C1orf185: variants seen among roughly 807,000 people sequenced by gnomAD.
C1orf185 encodes the protein chromosome 1 open reading frame 185.
C1orf185 carries 13 observed loss-of-function variants against 16.1 expected under a neutral mutation model. The ratio of observed to expected loss-of-function variants is 0.81; its 90% CI spans 0.53 to 1.28. The LOEUF (loss-of-function observed/expected upper bound fraction) is 1.28. C1orf185 is among the 50% of genes most tolerant of loss of function. C1orf185 has a pLI of 0.00. For synonymous variants in C1orf185, 80 were observed against 76.9 expected, an observed-to-expected ratio of 1.04 and a Z score of -0.21; for missense variants, 220 against 225.2, an observed-to-expected ratio of 0.98 and a Z score of 0.15.
chr1:51,130,676 C>CA (rs1429787675), intron 3 of C1orf185, among the ~76,000 whole-genome samples: 1 of 152,122 alleles, frequency 6.6e-6, no homozygotes, highest in Non-Finnish European at 1.5e-5. Context: ...GCACACTTAT[C>CA]AAAAATCAGT....
At chr1:51,107,498 TTA>T (rs1243498209) in intron 1 of C1orf185, among the ~76,000 whole-genome samples, 2 of 152,256 alleles carry the variant, frequency 1.3e-5, no homozygotes, top group African/African-American at 4.8e-5. Context: ...TAGTATTATT[TTA>T]TGTTTTCTTT....
At chr1:51,128,013 G>A (rs529384091) in intron 3 of C1orf185, among the ~76,000 whole-genome samples, 4 of 150,090 alleles carry the variant, frequency 2.7e-5, no homozygotes, top group South Asian at 2.1e-4. Flanking sequence ...TCAGCCTCCC[G>A]AGTAGTTGGG....
intron 2 of C1orf185, among the ~76,000 whole-genome samples, chr1:51,117,737 A>C (rs908637461): frequency 6.6e-6 from 1 of 152,086 alleles, no homozygotes; most frequent in African/African-American, 2.4e-5. Flanking sequence ...TGTTCTTTAA[A>C]TCCTTAAGTT....
chr1:51,109,524 T>TC (rs1646100183), intron 1 of C1orf185, among the ~76,000 whole-genome samples: 1 of 151,872 alleles, frequency 6.6e-6, no homozygotes, highest in Non-Finnish European at 1.5e-5. Context: ...TATTTTTTTT[T>TC]CTAGTTGTTT....
At chr1:51,119,086 T>C (rs979939008) in intron 3 of C1orf185, among the ~76,000 whole-genome samples, 3 of 152,138 alleles carry the variant, frequency 2.0e-5, no homozygotes, top group African/African-American at 7.2e-5. Context: ...GAAAGCAAAA[T>C]TACCAGGCTT....
intron 1 of C1orf185, among the ~76,000 whole-genome samples, chr1:51,108,838 TC>T (rs1244112554): frequency 6.6e-6 from 1 of 152,228 alleles, no homozygotes; most frequent in Non-Finnish European, 1.5e-5. Flanking sequence ...CTAGATTGAT[TC>T]CATATCTTGG....
chr1:51,120,333 G>A (rs1476959433), intron 3 of C1orf185, among the ~76,000 whole-genome samples: 2 of 152,162 alleles, frequency 1.3e-5, no homozygotes, highest in Non-Finnish European at 2.9e-5. Flanking sequence ...AATTCTGACT[G>A]TACCACCAAT....
intron 3 of C1orf185, among the ~76,000 whole-genome samples, chr1:51,144,880 A>G (rs1416642804): frequency 6.6e-6 from 1 of 152,056 alleles, no homozygotes; most frequent in East Asian, 1.9e-4. Flanking sequence ...TCCATCCCAA[A>G]CGCTCTATGC....
At chr1:51,120,522 C>T (rs1455330510) in intron 3 of C1orf185, among the ~76,000 whole-genome samples, 1 of 152,162 alleles carries the variant, frequency 6.6e-6, no homozygotes, top group Non-Finnish European at 1.5e-5. Context: ...ATTATTTTTA[C>T]TGGAAGATTT....
At chr1:51,148,929 C>CA (rs1360879246), downstream of C1orf185, among the ~76,000 whole-genome samples, 1 of 151,570 alleles carries the variant, frequency 6.6e-6, no homozygotes, top group Non-Finnish European at 1.5e-5. Context: ...GACCCTGTCT[C>CA]AAAAAAAAGA....
chr1:51,118,695 C>A lies in C1orf185; in HGVS notation c.152C>A (p.Ala51Glu). ...ATATTTCAAAATTCCAAATTTAAAG[C>A]AATTGATGAGAGATGCAGGCAAAGA... is the stretch of plus-strand genomic sequence containing the variant. ...REIFQNSKFK[A>E]IDERCRQRPS... is the part of the protein sequence containing the mutation. The change falls in exon 3 of 5, where the codon GCA (alanine) becomes GAA (glutamate). Residue 51 changes from alanine to glutamate, a missense_variant. Transcript: ENST00000371759. 2 of 1,429,754 alleles carry A rather than the reference C, an allele frequency of 1.4e-6. No homozygotes were observed. Among genetic ancestry groups the A allele is most frequent in the Non-Finnish European group, 1.9e-6 (2 of 1,077,152 alleles). 88.6% of individuals were successfully genotyped at this position (1,429,754 alleles called of 1,614,324 possible).
At chr1:51,121,952 C>T (rs1471346996) in intron 3 of C1orf185, among the ~76,000 whole-genome samples, 2 of 152,112 alleles carry the variant, frequency 1.3e-5, no homozygotes, top group Admixed American at 6.6e-5. Flanking sequence ...TACAGCTAAT[C>T]ATTTCCTTAC....
At chr1:51,135,074 A>G (rs1646313368) in intron 3 of C1orf185, among the ~76,000 whole-genome samples, 2 of 152,380 alleles carry the variant, frequency 1.3e-5, no homozygotes, top group South Asian at 4.1e-4. Flanking sequence ...TATATCTTTG[A>G]AGAACATTGA....
At chr1:51,126,475 A>G (rs1041136685) in intron 3 of C1orf185, among the ~76,000 whole-genome samples, 19 of 152,058 alleles carry the variant, frequency 1.2e-4, no homozygotes, top group African/African-American at 4.6e-4. Flanking sequence ...TGCCGAGGCT[A>G]ATCTCGAACT....
intron 3 of C1orf185, among the ~76,000 whole-genome samples, chr1:51,134,430 C>T (rs1178216621): frequency 6.6e-6 from 1 of 151,914 alleles, no homozygotes; most frequent in African/African-American, 2.4e-5. Flanking sequence ...ACTAAAAGAA[C>T]TGGAGAACCA....
At chr1:51,149,511 T>C (rs1280194853), downstream of C1orf185, among the ~76,000 whole-genome samples, 1 of 152,200 alleles carries the variant, frequency 6.6e-6, no homozygotes, top group Non-Finnish European at 1.5e-5. Context: ...AAAATTTTAA[T>C]TGGCCTCTGT....
rs1346064469 is a variant in C1orf185, at chr1:51,117,307, T to G, written c.123-1359T>G. 3.3e-5 allele frequency among the ~76,000 whole-genome samples: 5 copies of G among 152,330 alleles called. No homozygotes were observed. The East Asian group carries it at 9.6e-4, about 29-fold the overall frequency. Reference sequence around the variant, plus strand: ...GTACCTCTGAAAGAAGAAATGGCAATGAGCATTATTATTATTATTTGGGAG... The same window carrying G: ...GTACCTCTGAAAGAAGAAATGGCAAGGAGCATTATTATTATTATTTGGGAG... On this transcript the variant is annotated intron_variant, in intron 2 of 4. Coordinates refer to ENST00000371759, the MANE Select transcript of C1orf185 (RefSeq NM_001136508.2).
chr1:51,127,747 A>G (rs1039863291), intron 3 of C1orf185, among the ~76,000 whole-genome samples: 3 of 152,204 alleles, frequency 2.0e-5, no homozygotes, highest in Non-Finnish European at 4.4e-5. Context: ...GATAAGTGGT[A>G]GTCCATTATA....
intron 1 of C1orf185, among the ~76,000 whole-genome samples, chr1:51,111,588 C>T (rs1351996916): frequency 1.3e-5 from 2 of 151,752 alleles, no homozygotes; most frequent in African/African-American, 4.8e-5. Context: ...GGTGCTATCT[C>T]GGTTTACGAC....
Sources: allele counts gnomAD v4.1 joint callset (sites outside exome capture counted in the v4.1 genomes callset), GRCh38; gene constraint gnomAD v4.1.1; transcripts MANE v1.5; gene names NCBI Gene and HGNC (gene_info 2026-07-23, HGNC 2026-07-21).